SLC12A8: variants seen among roughly 807,000 people sequenced by gnomAD.
SLC12A8 encodes solute carrier family 12 member 8.
A neutral mutation model predicts 75.6 loss-of-function variants in SLC12A8; 69 were observed. That is an observed-to-expected ratio of 0.91 (90% CI 0.75 to 1.11). The LOEUF is 1.11. Ranked by LOEUF, SLC12A8 falls within the 50% of genes most tolerant of loss-of-function variation. The pLI, the probability that SLC12A8 is intolerant of heterozygous loss-of-function variation, is 0.00. For synonymous variants in SLC12A8, 365 were observed against 372.8 expected, an observed-to-expected ratio of 0.98 and a Z score of 0.24; for missense variants, 877 against 896.7, an observed-to-expected ratio of 0.98 and a Z score of 0.28.
chr3:125,198,025 C>T (rs186530843), intron 2 of SLC12A8, among the ~76,000 whole-genome samples: 23 of 152,266 alleles, frequency 1.5e-4, no homozygotes, highest in Admixed American at 1.3e-4. Flanking sequence ...CCAAAGTTAA[C>T]ATCACCAATA....
intron 5 of SLC12A8, among the ~76,000 whole-genome samples, chr3:125,140,698 T>C (rs1016855755): frequency 8.9e-6 from 1 of 112,036 alleles, no homozygotes; most frequent in Non-Finnish European, 2.1e-5. Context: ...AGGAATTTCC[T>C]TTTTTTTTTT....
chr3:125,108,278 C>T, intron 9 of SLC12A8, 152 bp from the exon 10 acceptor site: 3 of 809,408 alleles, frequency 3.7e-6, no homozygotes, highest in Non-Finnish European at 5.7e-6. Flanking sequence ...TAATAATATC[C>T]TACTCATGGG....
chr3:125,151,823 G>A (rs747190214), intron 5 of SLC12A8, among the ~76,000 whole-genome samples: 13 of 152,184 alleles, frequency 8.5e-5, no homozygotes, highest in Non-Finnish European at 1.5e-4. Context: ...GCAACATGAG[G>A]ACTTAATGTA....
At chr3:125,117,108 A>C (rs1213441708) in intron 8 of SLC12A8, among the ~76,000 whole-genome samples, 2 of 152,210 alleles carry the variant, frequency 1.3e-5, no homozygotes, top group Non-Finnish European at 2.9e-5. Context: ...AGACCCTTGA[A>C]AACAAATAAT....
At chr3:125,165,733 A>C (rs1560073425) in intron 5 of SLC12A8, among the ~76,000 whole-genome samples, 1 of 152,198 alleles carries the variant, frequency 6.6e-6, no homozygotes. Flanking sequence ...CGTTCTTTGC[A>C]CAAGTATTTC....
chr3:125,186,735 G>A (rs1032124146), intron 4 of SLC12A8, among the ~76,000 whole-genome samples: 3 of 152,296 alleles, frequency 2.0e-5, no homozygotes, highest in East Asian at 1.9e-4. Flanking sequence ...TCTCAGACAG[G>A]GCGTCCACAC....
chr3:125,178,828 C>A (rs1020606051), intron 4 of SLC12A8, among the ~76,000 whole-genome samples: 2 of 152,162 alleles, frequency 1.3e-5, no homozygotes, highest in African/African-American at 4.8e-5. Context: ...TCCATTAATT[C>A]ATAAATTAAA....
intron 4 of SLC12A8, among the ~76,000 whole-genome samples, chr3:125,180,673 A>AAAT (rs896379747): frequency 7.2e-5 from 11 of 151,922 alleles, no homozygotes; most frequent in African/African-American, 1.2e-4. Flanking sequence ...CCTGGGCAGA[A>AAAT]AATAATAATA....
intron 8 of SLC12A8, among the ~76,000 whole-genome samples, chr3:125,114,695 G>A (rs922320013): frequency 3.3e-5 from 5 of 152,074 alleles, no homozygotes; most frequent in Non-Finnish European, 7.4e-5. Context: ...CCAAAGTGCT[G>A]GGATTACAGG....
At chr3:125,117,447 A>T (rs75504499) in intron 8 of SLC12A8, among the ~76,000 whole-genome samples, 2,937 of 150,000 alleles carry the variant, frequency 0.02, 43 homozygotes, top group Non-Finnish European at 0.029. Flanking sequence ...AAAAAAAAAA[A>T]TAGCTGGGTG....
intron 5 of SLC12A8, among the ~76,000 whole-genome samples, chr3:125,173,948 C>T (rs145365579): frequency 2.1e-4 from 32 of 151,938 alleles, no homozygotes; most frequent in African/African-American, 6.8e-4. Context: ...AAAAATTAGT[C>T]GGGCGTGGTG....
chr3:125,183,509 C>T (rs1281271914), intron 4 of SLC12A8, among the ~76,000 whole-genome samples: 2 of 152,148 alleles, frequency 1.3e-5, no homozygotes, highest in African/African-American at 2.4e-5. Context: ...GGAGGACCAG[C>T]GCTGCCCCTC....
chr3:125,110,369 G>A (rs770871768), intron 8 of SLC12A8, 34 bp from the exon 9 acceptor site: 2 of 1,601,220 alleles, frequency 1.2e-6, no homozygotes, highest in African/African-American at 1.3e-5. Context: ...GCCAGTGCCA[G>A]AACCTGCTCC....
chr3:125,162,122 G>A (rs1354116203), intron 5 of SLC12A8, among the ~76,000 whole-genome samples: 4 of 152,256 alleles, frequency 2.6e-5, no homozygotes, highest in African/African-American at 7.2e-5. Context: ...AGTATCCATC[G>A]CCCAGGCGAC....
intron 13 of SLC12A8, 29 bp from the exon 14 acceptor site, chr3:125,084,081 GAGA>G: frequency 1.3e-6 from 2 of 1,593,900 alleles, no homozygotes; most frequent in Non-Finnish European, 1.7e-6. Context: ...AGAGGATGGT[GAGA>G]AGGACAGAAC....
At chr3:125,104,000 A>G (rs528456369) in intron 10 of SLC12A8, among the ~76,000 whole-genome samples, 1 of 112,052 alleles carries the variant, frequency 8.9e-6, no homozygotes, top group Non-Finnish European at 1.9e-5. Flanking sequence ...AGCCTCCAAG[A>G]TTTAAAAAAA....
chr3:125,094,943 C>T (rs901812737), intron 10 of SLC12A8, among the ~76,000 whole-genome samples: 15 of 152,198 alleles, frequency 9.9e-5, no homozygotes, highest in African/African-American at 3.6e-4. Context: ...AAAAATTATC[C>T]TCTAAGATGC....
At chr3:125,194,961 A>C (rs1934978160) in intron 2 of SLC12A8, among the ~76,000 whole-genome samples, 1 of 152,184 alleles carries the variant, frequency 6.6e-6, no homozygotes, top group African/African-American at 2.4e-5. Context: ...GCTGGACCAC[A>C]GGGGTTGAGA....
At chr3:125,088,483 A>T (rs1202745632) in intron 12 of SLC12A8, 113 bp from the exon 13 acceptor site, 2 of 794,500 alleles carry the variant, frequency 2.5e-6, no homozygotes, top group Non-Finnish European at 4.2e-6. Context: ...CACAGAATTA[A>T]CACAAATGTT....
Sources: allele counts gnomAD v4.1 joint callset (sites outside exome capture counted in the v4.1 genomes callset), GRCh38; gene constraint gnomAD v4.1.1; transcripts MANE v1.5; gene names NCBI Gene and HGNC (gene_info 2026-07-23, HGNC 2026-07-21).